The following CACNA2D1 variants were observed in gnomAD, a reference collection of about 807,000 sequenced individuals.
The protein encoded by CACNA2D1 is calcium voltage-gated channel auxiliary subunit alpha2delta 1.
Under a neutral mutation model 171.5 loss-of-function variants are expected in CACNA2D1, and 53 were observed. That is an observed-to-expected ratio of 0.31 (90% confidence interval 0.25 to 0.39). The LOEUF (loss-of-function observed/expected upper bound fraction) is 0.39, where lower values mean the gene tolerates loss of function less well. Among genes scored for constraint, CACNA2D1 ranks in the 10% least tolerant of loss-of-function variants. The pLI is 1.00. For synonymous variants in CACNA2D1, 442 were observed against 443.1 expected (o/e 1.00, Z 0.03); for missense variants, 903 against 1,299.8 (o/e 0.69, Z 4.69).
intron 18 of CACNA2D1, among the ~76,000 whole-genome samples, chr7:82,002,819 G>A (rs1798743146): frequency 6.6e-6 from 1 of 151,770 alleles, no homozygotes; most frequent in South Asian, 2.1e-4. Context: ...AATTAAATAT[G>A]TGAAAAGTCC....
chr7:82,174,366 C>A (rs3801719), intron 3 of CACNA2D1, among the ~76,000 whole-genome samples: 29,402 of 151,868 alleles, frequency 0.19, 4,867 homozygotes, highest in African/African-American at 0.44. Flanking sequence ...TTTATTGTAA[C>A]TGAGATACCA....
intron 1 of CACNA2D1, among the ~76,000 whole-genome samples, chr7:82,394,094 A>C (rs1277201517): frequency 6.6e-6 from 1 of 152,198 alleles, no homozygotes; most frequent in Non-Finnish European, 1.5e-5. Context: ...AATAGAGGCA[A>C]GTAAAAGGTA....
intron 3 of CACNA2D1, among the ~76,000 whole-genome samples, chr7:82,227,238 G>C (rs1802458735): frequency 1.3e-5 from 2 of 152,142 alleles, no homozygotes; most frequent in African/African-American, 4.8e-5. Flanking sequence ...TCAAGGTTGG[G>C]AAGACTTGAA....
At chr7:82,140,146 C>G (rs1428449545) in intron 4 of CACNA2D1, among the ~76,000 whole-genome samples, 1 of 151,644 alleles carries the variant, frequency 6.6e-6, no homozygotes, top group Non-Finnish European at 1.5e-5. Flanking sequence ...TTTATATGGT[C>G]AAAATATCAA....
chr7:82,320,878 C>A lies in CACNA2D1; in HGVS notation c.294+14257G>T, dbSNP rs575524831. ...GATAGCTAAATAAATAATACATTCA[C>A]AAAATTGAATACTATAAAATTAGTA... On this transcript the variant is annotated intron_variant, in intron 3 of 38. Transcript: ENST00000356860. Among the ~76,000 whole-genome samples, 14 of 146,046 alleles carry A rather than the reference C, an allele frequency of 9.6e-5. No homozygotes were observed. The East Asian group carries it at 2.8e-3, about 29-fold the overall frequency.
rs74651742 is a variant in CACNA2D1, at chr7:82,286,194, C to T, written c.294+48941G>A. Among the ~76,000 whole-genome samples, 1,390 of 152,120 alleles carry T rather than the reference C, an allele frequency of 9.1e-3. 28 individuals carry two copies. Among genetic ancestry groups the T allele is most frequent in the African/African-American group, 0.032 (1,321 of 41,510 alleles). On this transcript the variant is annotated intron_variant, in intron 3 of 38. Coordinates refer to ENST00000356860, the MANE Select transcript of CACNA2D1 (RefSeq NM_000722.4). ...CTTGCTATCTAGGGGCTTTAATCAC[C>T]TAGACAGCAACATAAAGTTGTTTTG...
chr7:82,143,245 TAACTG>T (rs1207638968), intron 4 of CACNA2D1, among the ~76,000 whole-genome samples: 3 of 152,168 alleles, frequency 2.0e-5, no homozygotes, highest in Non-Finnish European at 4.4e-5. Context: ...TGCTACCATA[TAACTG>T]AACTGAAGAC....
intron 6 of CACNA2D1, among the ~76,000 whole-genome samples, chr7:82,115,856 G>A (rs1788983629): frequency 1.3e-5 from 2 of 151,980 alleles, no homozygotes; most frequent in South Asian, 4.1e-4. Context: ...CTATGAGCCT[G>A]GCACTATTAT....
intron 3 of CACNA2D1, among the ~76,000 whole-genome samples, chr7:82,234,409 G>A (rs1158590749): frequency 1.3e-5 from 2 of 152,004 alleles, no homozygotes; most frequent in African/African-American, 2.4e-5. Flanking sequence ...AGAGGGTAGG[G>A]TAAGGAAAGT....
chr7:82,062,745 T>C (rs112467241), intron 9 of CACNA2D1, among the ~76,000 whole-genome samples: 4 of 132,946 alleles, frequency 3.0e-5, no homozygotes, highest in African/African-American at 1.1e-4. Context: ...TTTTTTTTTT[T>C]TTTTTTTTTT....
At chr7:82,362,035 C>A (rs1007460201) in intron 1 of CACNA2D1, among the ~76,000 whole-genome samples, 1 of 152,046 alleles carries the variant, frequency 6.6e-6, no homozygotes, top group African/African-American at 2.4e-5. Flanking sequence ...GAATCATATT[C>A]AATCATCTCA....
At position 81,984,650 on chromosome 7, in the gene CACNA2D1, T is replaced by G; in HGVS notation, c.1858A>C (p.Ile620Leu). The change falls in exon 22 of 39, where the codon ATA becomes CTA. Residue 620 changes from isoleucine (I) to leucine (L), a missense_variant. Coordinates refer to ENST00000356860, the MANE Select transcript of CACNA2D1 (RefSeq NM_000722.4). ...YYIKAKLEET[I>L]TQARSKKGKM... is the part of the protein sequence containing the mutation. ...CAGTACTTACATCTGGCCTGAGTTATTGTCTCTTCTAGTTTGGCTTTTATA... is the reference window on the plus strand; with the variant it reads ...CAGTACTTACATCTGGCCTGAGTTAGTGTCTCTTCTAGTTTGGCTTTTATA... The G allele has an allele frequency of 1.3e-6, 2 of 1,567,736 alleles. No homozygotes were observed. Among genetic ancestry groups the G allele is most frequent in the Non-Finnish European group, 8.7e-7 (1 of 1,148,406 alleles).
chr7:82,101,555 A>T (rs966585080), intron 6 of CACNA2D1, among the ~76,000 whole-genome samples: 3 of 152,210 alleles, frequency 2.0e-5, no homozygotes, highest in Non-Finnish European at 4.4e-5. Context: ...CATAATAGTC[A>T]TACTTAGTCC....
intron 4 of CACNA2D1, among the ~76,000 whole-genome samples, chr7:82,137,707 T>TAAAAAAAAAAAAAAAAAAAAAAAAAAAAA (rs1174278503): frequency 1.4e-4 from 11 of 78,822 alleles, no homozygotes; most frequent in African/African-American, 4.8e-4. Context: ...CCGTCTCTAC[T>TAAAAAAAAAAAAAAAAAAAAAAAAAAAAA]AAAAAAAAAA....
In CACNA2D1 at chr7:82,366,782, C is replaced by A. The variant is rs187556869; in HGVS notation, c.96-17133G>T. ...TTGAATGGTAGTTCTGTTTTAAGTT[C>A]TTTGAGAAATCTCCAAACTGCTTTC... On this transcript the variant is annotated intron_variant, in intron 1 of 38. Coordinates refer to ENST00000356860, the MANE Select transcript of CACNA2D1 (RefSeq NM_000722.4). 2.9e-3 allele frequency among the ~76,000 whole-genome samples: 438 copies of A among 151,486 alleles called. 3 individuals are homozygous for A. The highest frequency in any genetic ancestry group is 2.7e-3 in the Non-Finnish European group (183 of 67,914).
chr7:82,430,438 T>G (rs1829582142), intron 1 of CACNA2D1, among the ~76,000 whole-genome samples: 1 of 140,350 alleles, frequency 7.1e-6, no homozygotes, highest in African/African-American at 2.7e-5. Context: ...AAAAACCAGA[T>G]TCCTGGCATT....
rs1792178649 is a variant in CACNA2D1, at chr7:81,948,070, A to G, written c.*2322T>C. 1.3e-5 allele frequency: 2 copies of G among 151,888 alleles called. No homozygotes were observed. The highest frequency in any genetic ancestry group is 1.3e-4 in the Admixed American group (2 of 15,220). The allele number at this position is 151,888 out of a possible 1,614,324, so 9.4% of individuals were successfully genotyped here. A position where few individuals can be genotyped will look rare whatever the true frequency, so the allele number is the denominator to read the frequency against. On this transcript the variant is annotated 3_prime_UTR_variant, in exon 39 of 39. Coordinates refer to ENST00000356860, the MANE Select transcript of CACNA2D1 (RefSeq NM_000722.4). The stretch of plus-strand genomic sequence containing the variant: ...ACATATACTCGACATTAGCCATGAA[A>G]ATATATTTAATAGATTTTGAACATA...
At chr7:82,369,703 G>C (rs1452308813) in intron 1 of CACNA2D1, among the ~76,000 whole-genome samples, 2 of 151,960 alleles carry the variant, frequency 1.3e-5, no homozygotes, top group Non-Finnish European at 2.9e-5. Context: ...CCAAGGAATA[G>C]TTGTTTTAGG....
intron 10 of CACNA2D1, among the ~76,000 whole-genome samples, chr7:82,042,685 T>C (rs1001182423): frequency 3.9e-5 from 6 of 152,164 alleles, no homozygotes; most frequent in African/African-American, 1.4e-4. Flanking sequence ...CATTGGGGCA[T>C]TCTTTCCTTT....
Sources: gnomAD v4.1 joint callset for allele counts (sites outside exome capture counted in the v4.1 genomes callset) on GRCh38, gnomAD v4.1.1 for gene constraint, MANE v1.5 for transcripts, NCBI Gene and HGNC (gene_info 2026-07-23, HGNC 2026-07-21) for gene names.